Variants in FBXO38 observed in about 807,000 individuals in gnomAD.
FBXO38 encodes F-box only protein 38.
FBXO38 carries 53 observed loss-of-function variants against 131.9 expected under a neutral mutation model. The ratio of observed to expected loss-of-function variants is 0.40; its 90% CI spans 0.32 to 0.51. The LOEUF (loss-of-function observed/expected upper bound fraction) is 0.51. Among genes scored for constraint, FBXO38 ranks in the 20% least tolerant of loss-of-function variants. The pLI, the probability that FBXO38 is intolerant of heterozygous loss-of-function variation, is 0.53. For missense variants in FBXO38, 1,076 were observed against 1,475.6 expected (o/e 0.73, Z 4.44); for synonymous variants, 452 against 505.6 (o/e 0.89, Z 1.42).
chr5:148,396,936 C>T (rs1758512238), intron 2 of FBXO38, among the ~76,000 whole-genome samples: 1 of 143,394 alleles, frequency 7.0e-6, no homozygotes, highest in Non-Finnish European at 1.5e-5. Flanking sequence ...GAAAATAGAT[C>T]ATATAACATT....
intron 2 of FBXO38, among the ~76,000 whole-genome samples, chr5:148,395,906 A>C (rs1316118922): frequency 6.6e-6 from 1 of 152,132 alleles, no homozygotes; most frequent in Non-Finnish European, 1.5e-5. Flanking sequence ...AACTTCTCTA[A>C]GCATCTGGAT....
intron 1 of FBXO38, among the ~76,000 whole-genome samples, chr5:148,390,513 T>C (rs570947374): frequency 6.6e-6 from 1 of 152,334 alleles, no homozygotes; most frequent in South Asian, 2.1e-4. Flanking sequence ...AGCCGTGATG[T>C]AAGAAACAGG....
chr5:148,404,866 A>G, intron 6 of FBXO38, 44 bp downstream of exon 6: 1 of 1,538,486 alleles, frequency 6.5e-7, no homozygotes, highest in Non-Finnish European at 8.7e-7. Context: ...AAGTTATTCT[A>G]AAAATATCCT....
rs1053924621 is a variant in FBXO38 at position 148,442,669 on chromosome 5, T to C, written c.*522T>C. The C allele has an allele frequency of 1.3e-5, 2 of 152,188 alleles. No homozygotes were observed. Among genetic ancestry groups the C allele is most frequent in the Non-Finnish European group, 2.9e-5 (2 of 68,036 alleles). The allele number at this position is 152,188 out of a possible 1,614,324, so 9.4% of individuals were successfully genotyped here. Reference sequence around the variant, plus strand: ...AAGCTGTAGTTCTTTCTTAGTATTATAGTTGCCATGTTTCTTAAAATCAAG... The same window carrying C: ...AAGCTGTAGTTCTTTCTTAGTATTACAGTTGCCATGTTTCTTAAAATCAAG... On this transcript the variant is annotated 3_prime_UTR_variant, in exon 22 of 22. Coordinates refer to ENST00000340253, the MANE Select transcript of FBXO38 (RefSeq NM_205836.3).
rs770228743 is a variant in FBXO38 at position 148,417,004 on chromosome 5, G to A, written c.1418G>A (p.Arg473Gln). 5 of 1,613,518 alleles carry A rather than the reference G, an allele frequency of 3.1e-6. No homozygotes were observed. Among genetic ancestry groups the A allele is most frequent in the South Asian group, 1.1e-5 (1 of 91,054 alleles). ...TTGGTTTTGCCTTAGGGTTGTGCTC[G>A]AGTTGGTCTGAGTGCAGGCACAGGA... ...MFREPPKGCA[R>Q]VGLSAGTGIG... The change falls in exon 12 of 22, where the codon CGA becomes CAA. Residue 473 changes from arginine (R) to glutamine (Q), a missense_variant. Physicochemically the swap from Arg to Gln is conservative, Grantham distance 43. This residue lies in a region of FBXO38 where 146 missense variants were observed against 274.3 expected (regional missense o/e 0.53). Coordinates refer to ENST00000340253, the MANE Select transcript of FBXO38 (RefSeq NM_205836.3).
intron 17 of FBXO38, 191 bp downstream of exon 17, chr5:148,433,928 A>C: frequency 2.6e-6 from 1 of 384,346 alleles, no homozygotes; most frequent in Non-Finnish European, 4.6e-6. Flanking sequence ...CATATATAGA[A>C]ACTTCGTTCA....
chr5:148,439,600 A>G, intron 18 of FBXO38, 47 bp from the exon 19 acceptor site: 1 of 1,561,260 alleles, frequency 6.4e-7, no homozygotes, highest in Non-Finnish European at 8.8e-7. Context: ...AGAGATTTCT[A>G]AGGCATTCTC....
rs774255094 is a variant in FBXO38 at position 148,427,741 on chromosome 5, C to T, written c.2447C>T (p.Ser816Phe). ...NGPDGTRSAF[S>F]FRTLPQGGSS... Reference sequence around the variant, plus strand: ...CCGGATGGTACGAGATCCGCCTTTTCCTTTAGGACTCTGCCACAAGGGGGG... The same window carrying T: ...CCGGATGGTACGAGATCCGCCTTTTTCTTTAGGACTCTGCCACAAGGGGGG... The change falls in exon 15 of 22, where the codon TCC (serine) becomes TTC (phenylalanine). Residue 816 changes from serine (S) to phenylalanine (F), a missense_variant. Physicochemically the swap from Ser to Phe is radical, Grantham distance 155. Coordinates refer to ENST00000340253, the MANE Select transcript of FBXO38 (RefSeq NM_205836.3). The T allele has an allele frequency of 1.9e-6, 3 of 1,613,558 alleles. No homozygotes were observed. In the South Asian group the frequency reaches 3.3e-5, roughly 18 times the overall value.
In FBXO38 at chr5:148,390,157, A is replaced by G. The variant is rs532533207; in HGVS notation, c.-63-4557A>G. 3.9e-5 allele frequency: 6 copies of G among 152,306 alleles called. No individual in the cohort carries two copies. In the South Asian group the frequency reaches 1.0e-3, roughly 26 times the overall value. The allele number at this position is 152,306 out of a possible 1,614,324, so 9.4% of individuals were successfully genotyped here. ...CAGTACCTGAGATGAAATACTCAGCATAGCCCAGCTGGGTATTTCACTTAA... is the reference window on the plus strand; with the variant it reads ...CAGTACCTGAGATGAAATACTCAGCGTAGCCCAGCTGGGTATTTCACTTAA... On this transcript the variant is annotated intron_variant, in intron 1 of 21. Transcript: ENST00000340253.
At chr5:148,405,125 C>T (rs899013804) in intron 6 of FBXO38, among the ~76,000 whole-genome samples, 2 of 151,712 alleles carry the variant, frequency 1.3e-5, no homozygotes, top group South Asian at 2.1e-4. Flanking sequence ...TTCTGGTCTC[C>T]GAATCATTCT....
intron 15 of FBXO38, among the ~76,000 whole-genome samples, chr5:148,429,312 A>G (rs1753898096): frequency 6.6e-6 from 1 of 150,434 alleles, no homozygotes. Flanking sequence ...TTGGAATTTT[A>G]TTTCAATATG....
At chr5:148,420,646 C>T (rs966927817) in intron 12 of FBXO38, among the ~76,000 whole-genome samples, 1 of 152,106 alleles carries the variant, frequency 6.6e-6, no homozygotes, top group Admixed American at 6.5e-5. Flanking sequence ...GTCATTCCCT[C>T]ATCCCTCCAC....
chr5:148,407,775 A>T (rs1305570263), intron 7 of FBXO38, among the ~76,000 whole-genome samples: 1 of 152,050 alleles, frequency 6.6e-6, no homozygotes, highest in Non-Finnish European at 1.5e-5. Flanking sequence ...AATACAAAAA[A>T]TTAGCCCGTC....
chr5:148,414,343 A>C (rs1449472655), intron 10 of FBXO38, 37 bp downstream of exon 10: 1 of 1,450,882 alleles, frequency 6.9e-7, no homozygotes, highest in Non-Finnish European at 9.3e-7. Flanking sequence ...TGTTTTATTG[A>C]TACTGAAATA....
chr5:148,438,640 A>G, intron 18 of FBXO38, 142 bp downstream of exon 18: 2 of 810,776 alleles, frequency 2.5e-6, no homozygotes, highest in Non-Finnish European at 3.8e-6. Flanking sequence ...TTTACAGGTT[A>G]TGTATGATAT....
intron 15 of FBXO38, chr5:148,430,876 A>G (rs1754009969): frequency 6.6e-6 from 1 of 152,238 alleles, no homozygotes; most frequent in Admixed American, 6.5e-5. Context: ...AACAATTTAT[A>G]AATATTAGAG....
At position 148,417,190 on chromosome 5, in the gene FBXO38, A is replaced by G; in HGVS notation, c.1604A>G (p.Gln535Arg). ...FRQDLQPGEQ[Q>R]FAADALNEME... ...CAAGATCTGCAGCCAGGAGAGCAGC[A>G]GTTTGCAGCTGACGGTAACCCAGAT... is the stretch of plus-strand genomic sequence containing the variant. The change falls in exon 12 of 22, where the codon CAG becomes CGG. Residue 535 changes from glutamine to arginine, a missense_variant. Physicochemically the swap from Gln to Arg is conservative, Grantham distance 43 (BLOSUM62 1). Around this residue, in one of 8 missense-constraint regions of FBXO38, gnomAD observed 212 missense variants for 221.2 expected, o/e 0.96. Transcript: ENST00000340253. The G allele has an allele frequency of 4.3e-6, 7 of 1,611,278 alleles. No homozygotes were observed. Among genetic ancestry groups the G allele is most frequent in the Non-Finnish European group, 5.9e-6 (7 of 1,177,476 alleles).
In FBXO38 at chr5:148,433,801, T is replaced by A. The variant is rs117002984; in HGVS notation, c.2857+64T>A. The stretch of plus-strand genomic sequence containing the variant: ...ATGAGTTAAAAGAATTAGGAACTCA[T>A]AAATACTGTAATAGCATTACTGTCT... On this transcript the variant is annotated intron_variant, in intron 17 of 21. Coordinates refer to ENST00000340253, the MANE Select transcript of FBXO38 (RefSeq NM_205836.3). The A allele has an allele frequency of 2.0e-3, 1,660 of 845,244 alleles. 27 individuals carry two copies. In the East Asian group the frequency reaches 0.037, roughly 19 times the overall value. The allele number at this position is 845,244 out of a possible 1,614,324, so 52.4% of individuals were successfully genotyped here.
At chr5:148,386,909 T>A (rs938846755) in intron 1 of FBXO38, among the ~76,000 whole-genome samples, 2 of 151,238 alleles carry the variant, frequency 1.3e-5, no homozygotes, top group East Asian at 1.9e-4. Flanking sequence ...GTACTTAATT[T>A]AAAAAAAATG....
Sources: gnomAD v4.1 joint callset for allele counts (sites outside exome capture counted in the v4.1 genomes callset) on GRCh38, gnomAD v4.1.1 for gene constraint, gnomAD v4.1.1 regional missense constraint, MANE v1.5 for transcripts, NCBI Gene and HGNC (gene_info 2026-07-23, HGNC 2026-07-21) for gene names.